DPYD: variants seen among roughly 807,000 people sequenced by gnomAD.
DPYD encodes the protein dihydropyrimidine dehydrogenase, also known as dihydropyrimidine dehydrogenase [NADP(+)].
Under a neutral mutation model 116.2 loss-of-function variants are expected in DPYD, and 109 were observed. That is an observed-to-expected ratio of 0.94 (90% CI 0.80 to 1.10). The LOEUF (loss-of-function observed/expected upper bound fraction) is 1.10. DPYD is among the 50% of genes least tolerant of loss of function. The probability of loss-of-function intolerance (pLI) is 0.00; values close to 1 mark genes in which losing one functional copy is unlikely to be tolerated. For missense variants in DPYD, 1,302 were observed against 1,254.5 expected, an observed-to-expected ratio of 1.04 and a Z score of -0.57; for synonymous variants, 440 against 432.0, an observed-to-expected ratio of 1.02 and a Z score of -0.23.
At chr1:97,287,309 G>A (rs566004962) in intron 18 of DPYD, among the ~76,000 whole-genome samples, 9 of 152,220 alleles carry the variant, frequency 5.9e-5, no homozygotes, top group Admixed American at 3.9e-4. Context: ...AGGAGTACCC[G>A]GCTGTGTGAG....
intron 2 of DPYD, among the ~76,000 whole-genome samples, chr1:97,844,981 C>G (rs1225074513): frequency 6.6e-6 from 1 of 152,230 alleles, no homozygotes; most frequent in Non-Finnish European, 1.5e-5. Context: ...AGCTGTCTCT[C>G]ACCTTGTGCC....
chr1:97,883,844 A>AC (rs767345351), intron 1 of DPYD: 1 of 476,876 alleles, frequency 2.1e-6, no homozygotes, highest in African/African-American at 2.1e-5. Context: ...CAAAAAAAAA[A>AC]AGATACATGT....
chr1:97,919,199 T>C (rs1032650000), intron 1 of DPYD, among the ~76,000 whole-genome samples: 1 of 152,222 alleles, frequency 6.6e-6, no homozygotes, highest in Non-Finnish European at 1.5e-5. Flanking sequence ...ATGTTACTGA[T>C]TAAAGTGTTG....
chr1:97,281,848 A>T lies in DPYD; in HGVS notation c.2299+23411T>A, dbSNP rs144880622. Among the ~76,000 whole-genome samples the T allele has an allele frequency of 6.9e-4, 105 of 152,232 alleles. 1 individual carries two copies. In the East Asian group the frequency reaches 8.9e-3, roughly 13 times the overall value. Reference sequence around the variant, plus strand: ...TGCAATATCATGAGTAGGGTATAAAATTATCTACCTCATCATTATCTTTGA... The same window carrying T: ...TGCAATATCATGAGTAGGGTATAAATTTATCTACCTCATCATTATCTTTGA... On this transcript the variant is annotated intron_variant, in intron 18 of 22. Transcript: ENST00000370192.
intron 13 of DPYD, among the ~76,000 whole-genome samples, chr1:97,475,282 C>T (rs534080846): frequency 6.6e-6 from 1 of 151,768 alleles, no homozygotes; most frequent in South Asian, 2.1e-4. Context: ...TTGCTATATA[C>T]CAAAATAAAC....
At chr1:97,481,587 C>T (rs1338123627) in intron 13 of DPYD, among the ~76,000 whole-genome samples, 1 of 152,084 alleles carries the variant, frequency 6.6e-6, no homozygotes, top group Admixed American at 6.5e-5. Context: ...CTGAGAATTA[C>T]ACAGCTATTG....
intron 16 of DPYD, chr1:97,308,438 G>A (rs1348479630): frequency 1.3e-5 from 2 of 151,644 alleles, no homozygotes; most frequent in African/African-American, 2.4e-5. Flanking sequence ...AGTACAGTTT[G>A]GCTACCTGAG....
chr1:97,276,509 C>T (rs1321254343), intron 18 of DPYD, among the ~76,000 whole-genome samples: 1 of 151,964 alleles, frequency 6.6e-6, no homozygotes, highest in Non-Finnish European at 1.5e-5. Context: ...TGAACAGGCA[C>T]TTCTCAAAAG....
chr1:97,205,571 C>T (rs1401366180), intron 19 of DPYD, among the ~76,000 whole-genome samples: 1 of 151,932 alleles, frequency 6.6e-6, no homozygotes, highest in African/African-American at 2.4e-5. Context: ...AAATATAAAA[C>T]CATTTTTCTA....
chr1:97,502,827 G>T (rs12034649), intron 13 of DPYD, among the ~76,000 whole-genome samples: 43,502 of 151,690 alleles, frequency 0.29, 6,350 homozygotes, highest in East Asian at 0.48. Context: ...TACATGTTAC[G>T]AATCATTTTA....
chr1:97,818,100 T>C (rs939943299), intron 3 of DPYD, among the ~76,000 whole-genome samples: 1 of 152,050 alleles, frequency 6.6e-6, no homozygotes, highest in Non-Finnish European at 1.5e-5. Context: ...TCAGAGCTTC[T>C]TACTCATGTT....
chr1:97,624,866 T>A (rs1204625242), intron 8 of DPYD, among the ~76,000 whole-genome samples: 1 of 151,996 alleles, frequency 6.6e-6, no homozygotes, highest in East Asian at 1.9e-4. Context: ...AGCATAGAAA[T>A]ACAAGTACTG....
At chr1:97,208,737 T>C (rs1253200380) in intron 19 of DPYD, among the ~76,000 whole-genome samples, 1 of 152,162 alleles carries the variant, frequency 6.6e-6, no homozygotes, top group Non-Finnish European at 1.5e-5. Context: ...AACAAAATTG[T>C]TGACTGAAGC....
At chr1:97,683,817 T>C (rs1293788668) in intron 7 of DPYD, among the ~76,000 whole-genome samples, 1 of 151,866 alleles carries the variant, frequency 6.6e-6, no homozygotes, top group Non-Finnish European at 1.5e-5. Context: ...ATCACAAGAA[T>C]ACAGAAGCAA....
intron 20 of DPYD, among the ~76,000 whole-genome samples, chr1:97,182,504 A>G (rs1467048884): frequency 2.0e-5 from 3 of 152,274 alleles, no homozygotes; most frequent in East Asian, 3.9e-4. Context: ...AGTGACCTCA[A>G]TAATATATTT....
At chr1:97,761,164 G>A (rs1470598133) in intron 3 of DPYD, among the ~76,000 whole-genome samples, 1 of 152,018 alleles carries the variant, frequency 6.6e-6, no homozygotes, top group Admixed American at 6.6e-5. Context: ...TCACAGAGTT[G>A]TTAGTTCATC....
chr1:97,644,356 G>A (rs781238721), intron 8 of DPYD, among the ~76,000 whole-genome samples: 32 of 152,090 alleles, frequency 2.1e-4, no homozygotes, highest in Non-Finnish European at 4.1e-4. Context: ...TTGGTTTCAG[G>A]TAACTATATG....
intron 11 of DPYD, among the ~76,000 whole-genome samples, chr1:97,555,623 C>T (rs1651640664): frequency 6.6e-6 from 1 of 152,258 alleles, no homozygotes; most frequent in South Asian, 2.1e-4. Context: ...CAGGAGAAGG[C>T]CTTGTCCCAC....
At chr1:97,488,107 A>G (rs2101897149) in intron 13 of DPYD, among the ~76,000 whole-genome samples, 1 of 152,266 alleles carries the variant, frequency 6.6e-6, no homozygotes, top group Non-Finnish European at 1.5e-5. Flanking sequence ...AAAAGGAACT[A>G]GCTATTGACA....
Sources: gnomAD v4.1 joint callset for allele counts (sites outside exome capture counted in the v4.1 genomes callset) on GRCh38, gnomAD v4.1.1 for gene constraint, MANE v1.5 for transcripts, NCBI Gene and HGNC (gene_info 2026-07-23, HGNC 2026-07-21) for gene names.